The following GRM1 variants were observed in gnomAD, a reference collection of about 807,000 sequenced individuals.
GRM1 encodes the protein glutamate metabotropic receptor 1.
In GRM1, 33 loss-of-function variants were observed where a neutral mutation model predicts 90.9. The observed-to-expected ratio is 0.36, with a 90% CI of 0.28 to 0.49. The LOEUF (loss-of-function observed/expected upper bound fraction) is 0.49. Ranked by LOEUF, GRM1 falls within the 20% of genes least tolerant of loss-of-function variation. The probability of loss-of-function intolerance (pLI) is 0.99; values close to 1 mark genes in which losing one functional copy is unlikely to be tolerated. For missense variants in GRM1, 1,190 were observed against 1,534.3 expected, an observed-to-expected ratio of 0.78 and a Z score of 3.75; for synonymous variants, 700 against 613.2, an observed-to-expected ratio of 1.14 and a Z score of -2.09.
At chr6:146,193,333 G>A (rs916674347) in intron 2 of GRM1, among the ~76,000 whole-genome samples, 1 of 152,104 alleles carries the variant, frequency 6.6e-6, no homozygotes. Flanking sequence ...TTTAGAGAAG[G>A]GATGTTGTCC....
At chr6:146,091,214 C>T (rs1776703770) in intron 1 of GRM1, among the ~76,000 whole-genome samples, 1 of 152,076 alleles carries the variant, frequency 6.6e-6, no homozygotes, top group Non-Finnish European at 1.5e-5. Flanking sequence ...TCCTTCTTCC[C>T]ATTGGCAGGA....
chr6:146,056,453 C>T (rs1582937938), intron 1 of GRM1, among the ~76,000 whole-genome samples: 2 of 152,222 alleles, frequency 1.3e-5, no homozygotes, highest in African/African-American at 4.8e-5. Flanking sequence ...ACCATATAGA[C>T]CCAACAAAGC....
At chr6:146,233,663 A>G (rs1256604619) in intron 2 of GRM1, among the ~76,000 whole-genome samples, 1 of 152,128 alleles carries the variant, frequency 6.6e-6, no homozygotes, top group African/African-American at 2.4e-5. Flanking sequence ...ATCCAAATAC[A>G]TACTTTGTGT....
intron 1 of GRM1, among the ~76,000 whole-genome samples, chr6:146,111,267 T>G (rs1775548396): frequency 6.6e-6 from 1 of 152,212 alleles, no homozygotes; most frequent in Non-Finnish European, 1.5e-5. Flanking sequence ...CATCTGGGTT[T>G]GGGTTCAAAT....
At chr6:146,123,054 A>C (rs1157772327) in intron 1 of GRM1, among the ~76,000 whole-genome samples, 1 of 151,686 alleles carries the variant, frequency 6.6e-6, no homozygotes, top group African/African-American at 2.4e-5. Flanking sequence ...CATGCTGGCC[A>C]AGCTGGTCTC....
At chr6:146,093,714 T>G (rs1263365142) in intron 1 of GRM1, among the ~76,000 whole-genome samples, 1 of 152,116 alleles carries the variant, frequency 6.6e-6, no homozygotes, top group Non-Finnish European at 1.5e-5. Flanking sequence ...CCAGCTCCTT[T>G]TCTCAAACAT....
intron 6 of GRM1, among the ~76,000 whole-genome samples, chr6:146,390,837 C>T (rs1383656646): frequency 6.6e-6 from 1 of 152,002 alleles, no homozygotes; most frequent in African/African-American, 2.4e-5. Flanking sequence ...ATAAGTCCTA[C>T]AATAGAGTTA....
intron 1 of GRM1, among the ~76,000 whole-genome samples, chr6:146,139,533 C>G (rs1277410841): frequency 6.6e-6 from 1 of 152,166 alleles, no homozygotes; most frequent in Admixed American, 6.5e-5. Flanking sequence ...GTTATATCCT[C>G]TTGGTGAATT....
chr6:146,084,184 C>A (rs1041571841), intron 1 of GRM1, among the ~76,000 whole-genome samples: 4 of 151,794 alleles, frequency 2.6e-5, no homozygotes, highest in African/African-American at 9.7e-5. Context: ...TTCAAAAAAC[C>A]AGCTCCTGGA....
At chr6:146,215,663 C>G (rs942981767) in intron 2 of GRM1, among the ~76,000 whole-genome samples, 3 of 151,110 alleles carry the variant, frequency 2.0e-5, no homozygotes, top group Non-Finnish European at 4.4e-5. Flanking sequence ...CACCAAAAAT[C>G]TTCTCCTTTA....
chr6:146,280,780 C>G (rs910113124), intron 2 of GRM1, among the ~76,000 whole-genome samples: 5 of 137,256 alleles, frequency 3.6e-5, no homozygotes, highest in African/African-American at 1.8e-4. Context: ...ACCACCTAGC[C>G]CAGGTAATTT....
In GRM1 at chr6:146,434,805, G is replaced by C. The variant is rs767045152; in HGVS notation, c.*9G>C. The C allele has an allele frequency of 1.9e-6, 3 of 1,588,004 alleles. No individual in the cohort carries two copies. The South Asian group carries it at 3.3e-5, about 17-fold the overall frequency. On this transcript the variant is annotated 3_prime_UTR_variant, in exon 8 of 8. Transcript: ENST00000282753. The stretch of plus-strand genomic sequence containing the variant: ...GCTCTTCCACCCTGTAAGGGGGAAG[G>C]GTCCACATAGAAAAGCAAGACAAGC...
At chr6:146,166,121 G>A (rs1301331591) in intron 2 of GRM1, among the ~76,000 whole-genome samples, 1 of 152,028 alleles carries the variant, frequency 6.6e-6, no homozygotes, top group Non-Finnish European at 1.5e-5. Context: ...AGACAATATG[G>A]AATTTATCTT....
chr6:146,043,491 A>G (rs1791192751), intron 1 of GRM1, among the ~76,000 whole-genome samples: 1 of 151,892 alleles, frequency 6.6e-6, no homozygotes, highest in African/African-American at 2.4e-5. Context: ...GCTTAATGCA[A>G]CTTGTATAAA....
intron 2 of GRM1, among the ~76,000 whole-genome samples, chr6:146,288,433 T>C (rs993371706): frequency 1.3e-5 from 2 of 152,298 alleles, no homozygotes; most frequent in East Asian, 1.9e-4. Context: ...GTGTTCAAAA[T>C]GCAACTTAGT....
At chr6:146,091,528 A>G (rs888784118) in intron 1 of GRM1, among the ~76,000 whole-genome samples, 3 of 152,080 alleles carry the variant, frequency 2.0e-5, no homozygotes, top group Non-Finnish European at 2.9e-5. Flanking sequence ...GAAGAACAAC[A>G]TAAATAAAGG....
chr6:146,212,710 C>G (rs1160494631), intron 2 of GRM1, among the ~76,000 whole-genome samples: 1 of 152,098 alleles, frequency 6.6e-6, no homozygotes, highest in African/African-American at 2.4e-5. Flanking sequence ...CCAGGCTTGC[C>G]CCTACAAACT....
chr6:146,269,021 T>C (rs905873101), intron 2 of GRM1, among the ~76,000 whole-genome samples: 2 of 152,130 alleles, frequency 1.3e-5, no homozygotes, highest in Non-Finnish European at 2.9e-5. Context: ...TCATCAGAGT[T>C]CTAATTTTTT....
At chr6:146,160,809 C>G (rs1343927653) in intron 2 of GRM1, among the ~76,000 whole-genome samples, 1 of 152,028 alleles carries the variant, frequency 6.6e-6, no homozygotes, top group East Asian at 1.9e-4. Flanking sequence ...AATAAAGAAA[C>G]AGAGATACTC....
Sources: gnomAD v4.1 joint callset for allele counts (sites outside exome capture counted in the v4.1 genomes callset) on GRCh38, gnomAD v4.1.1 for gene constraint, MANE v1.5 for transcripts, NCBI Gene and HGNC (gene_info 2026-07-23, HGNC 2026-07-21) for gene names.